LRRC4C: variants seen among roughly 807,000 people sequenced by gnomAD.
LRRC4C encodes the protein leucine-rich repeat-containing protein 4C.
A neutral mutation model predicts 33.6 loss-of-function variants in LRRC4C; 5 were observed. The observed-to-expected ratio is 0.15, with a 90% CI of 0.08 to 0.31. The LOEUF (loss-of-function observed/expected upper bound fraction) is 0.31, where lower values mean the gene tolerates loss of function less well. LRRC4C is among the 10% of genes least tolerant of loss of function. The pLI is 1.00. For synonymous variants in LRRC4C, 329 were observed against 302.0 expected, an observed-to-expected ratio of 1.09 and a Z score of -0.93; for missense variants, 560 against 796.7, an observed-to-expected ratio of 0.70 and a Z score of 3.58.
intron 5 of LRRC4C, among the ~76,000 whole-genome samples, chr11:40,163,932 G>A (rs953553153): frequency 4.6e-5 from 7 of 152,104 alleles, no homozygotes; most frequent in African/African-American, 1.7e-4. Flanking sequence ...TCCCTTGATT[G>A]GGTTGCATTA....
chr11:40,761,392 T>G (rs747978464), intron 2 of LRRC4C, among the ~76,000 whole-genome samples: 3 of 152,142 alleles, frequency 2.0e-5, no homozygotes, highest in Non-Finnish European at 4.4e-5. Context: ...CTGTTTCACC[T>G]TGAGCAAGCC....
At chr11:41,151,390 C>T (rs545753222) in intron 1 of LRRC4C, among the ~76,000 whole-genome samples, 44 of 152,126 alleles carry the variant, frequency 2.9e-4, no homozygotes, top group Non-Finnish European at 5.7e-4. Context: ...TATCTTCTTG[C>T]CTTATCATCT....
At chr11:40,951,529 A>G (rs1239306169) in intron 1 of LRRC4C, among the ~76,000 whole-genome samples, 1 of 152,030 alleles carries the variant, frequency 6.6e-6, no homozygotes, top group African/African-American at 2.4e-5. Flanking sequence ...TATTGCATAC[A>G]GAAACTGTAC....
At chr11:41,256,412 AATG>A (rs1948801425) in intron 1 of LRRC4C, among the ~76,000 whole-genome samples, 1 of 152,010 alleles carries the variant, frequency 6.6e-6, no homozygotes, top group Non-Finnish European at 1.5e-5. Flanking sequence ...TGGTAGATAA[AATG>A]ATAATTGCAT....
intron 2 of LRRC4C, among the ~76,000 whole-genome samples, chr11:40,916,225 C>T (rs1261983580): frequency 6.6e-6 from 1 of 152,126 alleles, no homozygotes. Flanking sequence ...ATAAATCATG[C>T]CACTATAAAG....
intron 2 of LRRC4C, among the ~76,000 whole-genome samples, chr11:40,698,713 G>GT (rs1218910048): frequency 1.3e-5 from 2 of 152,096 alleles, no homozygotes; most frequent in African/African-American, 4.8e-5. Flanking sequence ...AGAAAAAGAG[G>GT]TTTAATAAAC....
At chr11:40,975,049 A>G (rs1851987345) in intron 1 of LRRC4C, among the ~76,000 whole-genome samples, 1 of 151,954 alleles carries the variant, frequency 6.6e-6, no homozygotes, top group African/African-American at 2.4e-5. Context: ...CTGTTGTGGA[A>G]CTCCTCAGCT....
intron 3 of LRRC4C, among the ~76,000 whole-genome samples, chr11:40,448,419 G>A (rs1447995792): frequency 6.6e-6 from 1 of 151,620 alleles, no homozygotes; most frequent in Non-Finnish European, 1.5e-5. Flanking sequence ...CCCCCCGACA[G>A]GCCCTGGTGT....
chr11:40,331,939 ATATT>A (rs1300966003), intron 3 of LRRC4C, among the ~76,000 whole-genome samples: 3 of 152,166 alleles, frequency 2.0e-5, no homozygotes, highest in African/African-American at 7.2e-5. Flanking sequence ...TCATTTATAT[ATATT>A]CTATTGGTTC....
At chr11:41,214,575 C>CAAAAAAAAAAAAAAAAAAAAA (rs547167050) in intron 1 of LRRC4C, among the ~76,000 whole-genome samples, 7 of 34,758 alleles carry the variant, frequency 2.0e-4, no homozygotes, top group African/African-American at 5.9e-4. Context: ...ACTAAAAATA[C>CAAAAAAAAAAAAAAAAAAAAA]AAAAAAAAAA....
chr11:41,243,800 G>C (rs184680253), intron 1 of LRRC4C, among the ~76,000 whole-genome samples: 58 of 152,124 alleles, frequency 3.8e-4, no homozygotes, highest in African/African-American at 1.2e-4. Flanking sequence ...ACTAACTTCT[G>C]GGCTCTACCT....
At chr11:40,444,908 T>C (rs1307970743) in intron 3 of LRRC4C, among the ~76,000 whole-genome samples, 1 of 152,208 alleles carries the variant, frequency 6.6e-6, no homozygotes, top group Admixed American at 6.5e-5. Flanking sequence ...TTACGTAAGG[T>C]ACAAAGGGAA....
intron 1 of LRRC4C, among the ~76,000 whole-genome samples, chr11:41,331,529 G>C (rs772603664): frequency 6.6e-6 from 1 of 152,092 alleles, no homozygotes; most frequent in Non-Finnish European, 1.5e-5. Context: ...ATAACTTGCC[G>C]CCTCCCTTCA....
chr11:40,805,869 T>A (rs923766116), intron 2 of LRRC4C, among the ~76,000 whole-genome samples: 1 of 152,014 alleles, frequency 6.6e-6, no homozygotes, highest in Admixed American at 6.5e-5. Flanking sequence ...GAAAAAAAAA[T>A]AGGGTTTCAT....
chr11:40,784,087 T>TAC (rs1255936945), intron 2 of LRRC4C, among the ~76,000 whole-genome samples: 1 of 151,852 alleles, frequency 6.6e-6, no homozygotes, highest in Admixed American at 6.6e-5. Flanking sequence ...TATTTATATA[T>TAC]ATATATACAT....
Position 40,188,954 on chromosome 11 carries a change from T to C in LRRC4C, c.-95-48101A>G, listed in dbSNP as rs181257981. On this transcript the variant is annotated intron_variant, in intron 5 of 6. Transcript: ENST00000528697. ...AATTACCTCAAACAGTCATGGAGGC[T>C]TTCATTCAATCTCTTAAGTGTTCTA... is the stretch of plus-strand genomic sequence containing the variant. Among the ~76,000 whole-genome samples, 76 of 152,322 alleles carry C rather than the reference T, an allele frequency of 5.0e-4. 1 individual carries two copies. Among genetic ancestry groups the C allele is most frequent in the African/African-American group, 1.3e-3 (53 of 41,578 alleles).
At chr11:40,681,899 G>C (rs1232976579) in intron 2 of LRRC4C, among the ~76,000 whole-genome samples, 1 of 152,158 alleles carries the variant, frequency 6.6e-6, no homozygotes, top group Non-Finnish European at 1.5e-5. Flanking sequence ...AAGCTATGAG[G>C]ACACAGAGGC....
At chr11:40,160,220 T>C (rs1859045479) in intron 5 of LRRC4C, among the ~76,000 whole-genome samples, 1 of 152,092 alleles carries the variant, frequency 6.6e-6, no homozygotes, top group Non-Finnish European at 1.5e-5. Context: ...AGTCCCACTT[T>C]TAAGTGAAGT....
chr11:40,930,313 C>T (rs1461227263), intron 2 of LRRC4C, among the ~76,000 whole-genome samples: 5 of 152,108 alleles, frequency 3.3e-5, no homozygotes, highest in South Asian at 2.1e-4. Flanking sequence ...TCTTATTATC[C>T]GCTGCTAGGA....
Sources: allele counts gnomAD v4.1 joint callset (sites outside exome capture counted in the v4.1 genomes callset), GRCh38; gene constraint gnomAD v4.1.1; transcripts MANE v1.5; gene names NCBI Gene and HGNC (gene_info 2026-07-23, HGNC 2026-07-21).